Variants in MAD1L1 observed in about 807,000 individuals in gnomAD.
MAD1L1 encodes mitotic arrest deficient 1 like 1.
In MAD1L1, 95 loss-of-function variants were observed where a neutral mutation model predicts 96.9. That is an observed-to-expected ratio of 0.98 (90% confidence interval 0.83 to 1.16). The LOEUF (loss-of-function observed/expected upper bound fraction) is 1.16. MAD1L1 is among the 50% of genes most tolerant of loss of function. MAD1L1 has a pLI of 0.00. For missense variants in MAD1L1, 1,007 were observed against 954.4 expected, an observed-to-expected ratio of 1.06 and a Z score of -0.73; for synonymous variants, 473 against 396.6, an observed-to-expected ratio of 1.19 and a Z score of -2.29.
intron 11 of MAD1L1, among the ~76,000 whole-genome samples, chr7:2,096,628 G>A (rs532076713): frequency 3.9e-5 from 6 of 152,246 alleles, no homozygotes; most frequent in Admixed American, 1.3e-4. Flanking sequence ...CCGCTACAGC[G>A]AGACCCTACA....
intron 13 of MAD1L1, among the ~76,000 whole-genome samples, chr7:2,005,924 G>A (rs1782010872): frequency 6.6e-6 from 1 of 152,220 alleles, no homozygotes; most frequent in South Asian, 2.1e-4. Flanking sequence ...ACTCCAGGCG[G>A]AGGGTTCTCA....
chr7:2,003,332 G>A (rs57691867), intron 13 of MAD1L1, among the ~76,000 whole-genome samples: 4,391 of 152,224 alleles, frequency 0.029, 214 homozygotes, highest in African/African-American at 0.1. Flanking sequence ...TGGTGGGGAT[G>A]GGGGAAGTAT....
In MAD1L1 at chr7:2,211,816, G is replaced by C. The variant is rs1401594216; in HGVS notation, c.986+1396C>G. Among the ~76,000 whole-genome samples, 8 of 152,258 alleles carry C rather than the reference G, an allele frequency of 5.3e-5. No individual in the cohort carries two copies. The East Asian group carries it at 1.5e-3, about 29-fold the overall frequency. On this transcript the variant is annotated intron_variant, in intron 10 of 18. Coordinates refer to ENST00000265854, the MANE Select transcript of MAD1L1 (RefSeq NM_001013836.2). ...GCTGATGAGAAGGTAATGGATTCCAGAACCAGCAGTCGGACGGTGTGGTCA... is the reference window on the plus strand; with the variant it reads ...GCTGATGAGAAGGTAATGGATTCCACAACCAGCAGTCGGACGGTGTGGTCA...
Position 2,090,772 on chromosome 7 carries a change from G to GA in MAD1L1, c.1074-21435_1074-21434insT, listed in dbSNP as rs199952272. On this transcript the variant is annotated intron_variant, in intron 11 of 18. Transcript: ENST00000265854. Reference sequence around the variant, plus strand: ...CGTCCCCATCATCCCTTGGAGCCCGGGCGGGGCCCTCATCGCTCCGGGAAG... The same window carrying GA: ...CGTCCCCATCATCCCTTGGAGCCCGGAGCGGGGCCCTCATCGCTCCGGGAAG... Among the ~76,000 whole-genome samples, 1,120 of 152,264 alleles carry GA rather than the reference G, an allele frequency of 7.4e-3. 40 individuals are homozygous for GA. Among genetic ancestry groups the GA allele is most frequent in the Admixed American group, 0.055 (837 of 15,298 alleles).
intron 10 of MAD1L1, among the ~76,000 whole-genome samples, chr7:2,154,885 C>T (rs1032394550): frequency 2.6e-5 from 4 of 152,158 alleles, no homozygotes; most frequent in Non-Finnish European, 5.9e-5. Flanking sequence ...AGCATTCCGG[C>T]GCCCTCTTCT....
At chr7:2,230,217 T>G in intron 2 of MAD1L1, 74 bp from the exon 3 acceptor site, 2 of 1,257,552 alleles carry the variant, frequency 1.6e-6, no homozygotes, top group Non-Finnish European at 2.2e-6. Context: ...CAGCAGAGCC[T>G]CTGGACAGCC....
intron 11 of MAD1L1, among the ~76,000 whole-genome samples, chr7:2,134,832 G>C (rs950862103): frequency 2.0e-5 from 3 of 152,144 alleles, no homozygotes; most frequent in African/African-American, 7.2e-5. Context: ...CCAGGCCCCA[G>C]GGACACCCCT....
At chr7:2,161,023 G>A (rs538458847) in intron 10 of MAD1L1, among the ~76,000 whole-genome samples, 3 of 147,508 alleles carry the variant, frequency 2.0e-5, no homozygotes, top group African/African-American at 7.5e-5. Context: ...GCATAACAAT[G>A]CAAATAACTG....
intron 13 of MAD1L1, among the ~76,000 whole-genome samples, chr7:2,008,933 C>A (rs1782162058): frequency 6.6e-6 from 1 of 152,228 alleles, no homozygotes; most frequent in Non-Finnish European, 1.5e-5. Flanking sequence ...GGGGCACACA[C>A]CAGGGAGCAC....
intron 18 of MAD1L1, among the ~76,000 whole-genome samples, chr7:1,892,778 G>T (rs1045207110): frequency 6.6e-6 from 1 of 152,166 alleles, no homozygotes; most frequent in African/African-American, 2.4e-5. Context: ...CCTCTGAGCC[G>T]GGGAAGGCCC....
At chr7:2,190,783 T>C (rs944540683) in intron 10 of MAD1L1, among the ~76,000 whole-genome samples, 17 of 152,048 alleles carry the variant, frequency 1.1e-4, no homozygotes, top group African/African-American at 3.9e-4. Flanking sequence ...ATGGCTAAAG[T>C]GAAGGTGGCC....
chr7:2,171,956 A>C (rs1372360286), intron 10 of MAD1L1, among the ~76,000 whole-genome samples: 4 of 152,186 alleles, frequency 2.6e-5, no homozygotes, highest in African/African-American at 7.2e-5. Flanking sequence ...GCTCATCACC[A>C]CGAGGCCTAA....
At chr7:1,997,480 G>T (rs1272300047) in intron 14 of MAD1L1, among the ~76,000 whole-genome samples, 1 of 152,258 alleles carries the variant, frequency 6.6e-6, no homozygotes, top group Admixed American at 6.5e-5. Context: ...GGTGGGAGGG[G>T]CCTCAGAGCC....
intron 11 of MAD1L1, among the ~76,000 whole-genome samples, chr7:2,135,299 C>T (rs1358733657): frequency 6.6e-6 from 1 of 152,144 alleles, no homozygotes; most frequent in Non-Finnish European, 1.5e-5. Context: ...CAGATGGACG[C>T]AGACACGAGA....
At chr7:1,833,204 T>C (rs1345658142) in intron 18 of MAD1L1, among the ~76,000 whole-genome samples, 2 of 152,236 alleles carry the variant, frequency 1.3e-5, no homozygotes, top group Non-Finnish European at 2.9e-5. Context: ...GGAAACAAAA[T>C]GCATGGCACT....
At chr7:1,954,906 G>C (rs1306521341) in intron 16 of MAD1L1, among the ~76,000 whole-genome samples, 2 of 152,146 alleles carry the variant, frequency 1.3e-5, no homozygotes, top group Non-Finnish European at 2.9e-5. Context: ...ACACAAGGGT[G>C]CACCCAGTCG....
intron 11 of MAD1L1, among the ~76,000 whole-genome samples, chr7:2,135,656 GC>G (rs940971001): frequency 6.6e-6 from 1 of 152,156 alleles, no homozygotes; most frequent in Non-Finnish European, 1.5e-5. Flanking sequence ...CGGGCCTCCT[GC>G]CCCCCAGCTC....
At chr7:1,995,398 G>A (rs1016047435) in intron 14 of MAD1L1, among the ~76,000 whole-genome samples, 1 of 152,174 alleles carries the variant, frequency 6.6e-6, no homozygotes, top group African/African-American at 2.4e-5. Flanking sequence ...ACTTAGCTTT[G>A]TGAGACTCCA....
intron 17 of MAD1L1, among the ~76,000 whole-genome samples, chr7:1,903,152 C>A (rs1362768946): frequency 3.4e-4 from 32 of 94,822 alleles, no homozygotes; most frequent in Non-Finnish European, 6.5e-4. Context: ...CATGATTGAT[C>A]CAGCACTGTT....
Sources: gnomAD v4.1 joint callset for allele counts (sites outside exome capture counted in the v4.1 genomes callset) on GRCh38, gnomAD v4.1.1 for gene constraint, MANE v1.5 for transcripts, NCBI Gene and HGNC (gene_info 2026-07-23, HGNC 2026-07-21) for gene names.